The following CTDSPL variants were observed in gnomAD, a reference collection of about 807,000 sequenced individuals.
CTDSPL encodes CTD small phosphatase-like protein.
In CTDSPL, 8 loss-of-function variants were observed where a neutral mutation model predicts 30.5. The observed-to-expected ratio is 0.26, with a 90% CI of 0.15 to 0.47. The LOEUF is 0.47. Ranked by LOEUF, CTDSPL falls within the 20% of genes least tolerant of loss-of-function variation. CTDSPL has a pLI of 0.99. For synonymous variants in CTDSPL, 110 were observed against 137.9 expected, an observed-to-expected ratio of 0.80 and a Z score of 1.42; for missense variants, 248 against 366.1, an observed-to-expected ratio of 0.68 and a Z score of 2.63.
intron 1 of CTDSPL, among the ~76,000 whole-genome samples, chr3:37,886,423 T>G (rs1430765337): frequency 6.6e-6 from 1 of 152,180 alleles, no homozygotes. Flanking sequence ...ATTATGCCAG[T>G]TGTCGAGGTC....
At chr3:37,884,724 A>G (rs768906558) in intron 1 of CTDSPL, among the ~76,000 whole-genome samples, 1 of 152,194 alleles carries the variant, frequency 6.6e-6, no homozygotes, top group Non-Finnish European at 1.5e-5. Flanking sequence ...GGGACAGGAC[A>G]ATATTTCTTT....
chr3:37,888,720 G>A (rs1698290660), intron 1 of CTDSPL, among the ~76,000 whole-genome samples: 1 of 152,158 alleles, frequency 6.6e-6, no homozygotes, highest in Admixed American at 6.5e-5. Context: ...GTTTGTTTGG[G>A]GGACCATCTT....
intron 6 of CTDSPL, among the ~76,000 whole-genome samples, chr3:37,972,271 C>T (rs1417721079): frequency 1.3e-5 from 2 of 152,098 alleles, no homozygotes; most frequent in African/African-American, 4.8e-5. Flanking sequence ...CCAAGGAGGG[C>T]GTATCACCTG....
chr3:37,924,947 C>A (rs1285589375), intron 1 of CTDSPL, among the ~76,000 whole-genome samples: 1 of 152,162 alleles, frequency 6.6e-6, no homozygotes, highest in Non-Finnish European at 1.5e-5. Flanking sequence ...TGTTTCTCCT[C>A]AAAGCATTCA....
At chr3:37,915,990 A>G (rs917797419) in intron 1 of CTDSPL, among the ~76,000 whole-genome samples, 2 of 152,188 alleles carry the variant, frequency 1.3e-5, no homozygotes, top group African/African-American at 4.8e-5. Context: ...TCAGAGATTG[A>G]GATGGCCTCT....
At chr3:37,918,160 T>G (rs1698671490) in intron 1 of CTDSPL, among the ~76,000 whole-genome samples, 1 of 152,104 alleles carries the variant, frequency 6.6e-6, no homozygotes, top group Admixed American at 6.5e-5. Context: ...ATAACACACC[T>G]CAGGACCTGG....
At chr3:37,896,819 G>A (rs1370792527) in intron 1 of CTDSPL, among the ~76,000 whole-genome samples, 1 of 152,076 alleles carries the variant, frequency 6.6e-6, no homozygotes, top group Non-Finnish European at 1.5e-5. Context: ...GATTACAGGC[G>A]TGAGTCACCA....
At chr3:37,906,639 A>C (rs1292452061) in intron 1 of CTDSPL, among the ~76,000 whole-genome samples, 5 of 152,170 alleles carry the variant, frequency 3.3e-5, no homozygotes, top group African/African-American at 1.2e-4. Flanking sequence ...TCTCCAGGGC[A>C]CAGAGTCCCT....
rs1479603077 is a variant in CTDSPL, at chr3:37,984,072, A to G, written c.*3205A>G. ...AACCACACAGCCCTATGGTCAAACA[A>G]TCCTACGTTTGTGCCTCTGCTTTTA... On this transcript the variant is annotated 3_prime_UTR_variant, in exon 8 of 8. Coordinates refer to ENST00000273179, the MANE Select transcript of CTDSPL (RefSeq NM_001008392.2). The G allele has an allele frequency of 2.6e-6, 1 of 380,358 alleles. No individual in the cohort carries two copies. Among genetic ancestry groups the G allele is most frequent in the East Asian group, 7.4e-5 (1 of 13,504 alleles). 23.6% of individuals were successfully genotyped at this position (380,358 alleles called of 1,614,324 possible). A position where few individuals can be genotyped will look rare whatever the true frequency, so the allele number is the denominator to read the frequency against.
intron 1 of CTDSPL, among the ~76,000 whole-genome samples, chr3:37,875,118 A>G (rs566179438): frequency 2.4e-4 from 36 of 152,374 alleles, no homozygotes; most frequent in African/African-American, 8.2e-4. Context: ...CTCTGAAATA[A>G]TATCAAATAA....
chr3:37,868,128 G>A (rs1277607004), intron 1 of CTDSPL, among the ~76,000 whole-genome samples: 4 of 151,954 alleles, frequency 2.6e-5, no homozygotes, highest in African/African-American at 9.7e-5. Context: ...GATATGTGGT[G>A]GTAGCTTATT....
Position 37,862,285 on chromosome 3 carries a change from AGGGGCGCAGGCGGCCGCGGGCTG to A in CTDSPL, c.79+14_79+36del, listed in dbSNP as rs2125584643. 6.7e-7 allele frequency: 1 copy of A among 1,488,028 alleles called. No individual in the cohort carries two copies. Among genetic ancestry groups the A allele is most frequent in the East Asian group, 2.8e-5 (1 of 35,216 alleles). 92.2% of individuals were successfully genotyped at this position (1,488,028 alleles called of 1,614,324 possible). A position where few individuals can be genotyped will look rare whatever the true frequency, so the allele number is the denominator to read the frequency against. ...CCGGGCGCGGGCGAGAAAGGTGAGG[AGGGGCGCAGGCGGCCGCGGGCTG>A]GGGGCGAGCGCACACCCCGCGCCGC... On this transcript the variant is annotated splice_region_variant and intron_variant, in intron 1 of 7. Transcript: ENST00000273179. This position sits in a 1 kb window ranked among gnomAD's most constrained non-coding sequence, Gnocchi z 4.3.
At chr3:37,931,145 C>CTTTTTTTTT (rs35669035) in intron 1 of CTDSPL, among the ~76,000 whole-genome samples, 1 of 139,292 alleles carries the variant, frequency 7.2e-6, no homozygotes, top group Non-Finnish European at 1.6e-5. Flanking sequence ...TCCTCTTTGT[C>CTTTTTTTTT]TTTTTTTTTT....
At chr3:37,925,242 T>C (rs1314283490) in intron 1 of CTDSPL, among the ~76,000 whole-genome samples, 1 of 152,068 alleles carries the variant, frequency 6.6e-6, no homozygotes, top group Non-Finnish European at 1.5e-5. Context: ...ACTGTCTCTT[T>C]CCCTCAATGT....
chr3:37,896,978 T>C (rs1698396919), intron 1 of CTDSPL, among the ~76,000 whole-genome samples: 2 of 152,222 alleles, frequency 1.3e-5, no homozygotes, highest in Non-Finnish European at 1.5e-5. Flanking sequence ...GGCACTTTAA[T>C]TTGAAGGAGT....
intron 1 of CTDSPL, among the ~76,000 whole-genome samples, chr3:37,944,221 T>C (rs1448254103): frequency 1.3e-5 from 2 of 150,480 alleles, no homozygotes; most frequent in African/African-American, 2.4e-5. Flanking sequence ...TAAACACTTA[T>C]GGTCTGACAA....
At chr3:37,864,919 A>G (rs751294140) in intron 1 of CTDSPL, among the ~76,000 whole-genome samples, 9 of 152,118 alleles carry the variant, frequency 5.9e-5, no homozygotes, top group Non-Finnish European at 1.3e-4. Context: ...AGTAATGACT[A>G]CCTCTGGGGT....
intron 1 of CTDSPL, among the ~76,000 whole-genome samples, chr3:37,901,292 G>C (rs540969475): frequency 1.1e-4 from 17 of 152,286 alleles, no homozygotes; most frequent in African/African-American, 3.4e-4. Context: ...GGAGAACTCA[G>C]ATCCACTGAT....
chr3:37,933,447 G>A (rs756080932), intron 1 of CTDSPL, among the ~76,000 whole-genome samples: 2 of 152,112 alleles, frequency 1.3e-5, no homozygotes, highest in Non-Finnish European at 2.9e-5. Context: ...ATTTAATTTT[G>A]TATTTAGAGG....
Sources: allele counts gnomAD v4.1 joint callset (sites outside exome capture counted in the v4.1 genomes callset), GRCh38; gene constraint gnomAD v4.1.1; non-coding constraint Gnocchi (gnomAD v3.1); transcripts MANE v1.5; gene names NCBI Gene and HGNC (gene_info 2026-07-23, HGNC 2026-07-21).